The following KIF15 variants were observed in gnomAD, a reference collection of about 807,000 sequenced individuals.
The protein encoded by KIF15 is kinesin-like protein KIF15.
A neutral mutation model predicts 190.6 loss-of-function variants in KIF15; 140 were observed. The observed-to-expected ratio is 0.73, with a 90% CI of 0.64 to 0.84. The LOEUF (loss-of-function observed/expected upper bound fraction) is 0.84, where lower values mean the gene tolerates loss of function less well. Among genes scored for constraint, KIF15 ranks in the 40% least tolerant of loss-of-function variants. The probability of loss-of-function intolerance (pLI) is 0.00; values close to 1 mark genes in which losing one functional copy is unlikely to be tolerated. For missense variants in KIF15, 1,372 were observed against 1,584.4 expected, an observed-to-expected ratio of 0.87 and a Z score of 2.28; for synonymous variants, 528 against 551.3, an observed-to-expected ratio of 0.96 and a Z score of 0.59.
chr3:44,808,457 A>T (rs937030447), intron 16 of KIF15, among the ~76,000 whole-genome samples: 4 of 152,154 alleles, frequency 2.6e-5, no homozygotes, highest in African/African-American at 4.8e-5. Context: ...ATCACTTCCA[A>T]TCTGGATCTA....
intron 20 of KIF15, among the ~76,000 whole-genome samples, chr3:44,820,396 A>G (rs1190376370): frequency 6.7e-6 from 1 of 149,578 alleles, no homozygotes; most frequent in Non-Finnish European, 1.5e-5. Context: ...TGTTTCTCAC[A>G]GAGGGGGATT....
intron 7 of KIF15, among the ~76,000 whole-genome samples, chr3:44,789,350 G>A (rs1017591122): frequency 5.3e-5 from 8 of 151,586 alleles, no homozygotes; most frequent in Non-Finnish European, 8.8e-5. Context: ...ATTCCAAAGC[G>A]TGTGAGGATT....
At chr3:44,848,101 T>C in intron 31 of KIF15, 44 bp downstream of exon 31, 1 of 1,177,782 alleles carries the variant, frequency 8.5e-7, no homozygotes, top group South Asian at 1.3e-5. Context: ...GTCTGAGCAA[T>C]GCTTTTATAG....
intron 5 of KIF15, 123 bp downstream of exon 5, chr3:44,781,045 C>T: frequency 5.6e-6 from 4 of 708,144 alleles, no homozygotes; most frequent in Non-Finnish European, 9.4e-6. Flanking sequence ...TAGGGAAATT[C>T]CCTAGGCTTC....
downstream of KIF15, among the ~76,000 whole-genome samples, chr3:44,854,538 C>T (rs984558129): frequency 6.6e-6 from 1 of 152,022 alleles, no homozygotes; most frequent in African/African-American, 2.4e-5. Context: ...TATAAGGTAG[C>T]GAGCAGACAC....
chr3:44,843,316 A>C, intron 30 of KIF15, 82 bp downstream of exon 30: 1 of 821,968 alleles, frequency 1.2e-6, no homozygotes, highest in Middle Eastern at 2.3e-4. Flanking sequence ...TTGGTTTCAC[A>C]GGTTTCCCAA....
At chr3:44,779,432 C>G (rs1385799007) in intron 4 of KIF15, among the ~76,000 whole-genome samples, 1 of 152,162 alleles carries the variant, frequency 6.6e-6, no homozygotes, top group Non-Finnish European at 1.5e-5. Context: ...TAATACATGG[C>G]AGGGTGGGTA....
Position 44,814,775 on chromosome 3 carries a change from C to T in KIF15, c.2384-136C>T, listed in dbSNP as rs150938806. On this transcript the variant is annotated intron_variant, in intron 19 of 34. Coordinates refer to ENST00000326047, the MANE Select transcript of KIF15 (RefSeq NM_020242.3). ...AGAAATCTCAGTGCTGCTAGGTACC[C>T]GCCACTTAATTCTTTAACATTTTTC... 1,330 of 565,498 alleles carry T rather than the reference C, an allele frequency of 2.4e-3. 25 individuals carry two copies. The East Asian group carries it at 0.04, about 17-fold the overall frequency. 35.0% of individuals were successfully genotyped at this position (565,498 alleles called of 1,614,324 possible). A position where few individuals can be genotyped will look rare whatever the true frequency, so the allele number is the denominator to read the frequency against.
intron 1 of KIF15, among the ~76,000 whole-genome samples, chr3:44,772,662 C>T (rs572521801): frequency 1.3e-5 from 2 of 152,206 alleles, no homozygotes; most frequent in Non-Finnish European, 1.5e-5. Context: ...GACTTCCAAA[C>T]TTTACCAAAG....
Position 44,784,892 on chromosome 3 carries a change from C to T in KIF15, c.409C>T (p.Pro137Ser), listed in dbSNP as rs1247963130. Reference sequence around the variant, plus strand: ...TTCTCATAACCTGAGAGGAGTAATCCCACGAAGTTTTGAATATTTGTTTTC... The same window carrying T: ...TTCTCATAACCTGAGAGGAGTAATCTCACGAAGTTTTGAATATTTGTTTTC... ...NFSHNLRGVI[P>S]RSFEYLFSLI... Residue 137 changes from proline to serine, a missense_variant, in exon 6 of 35, where the codon CCA becomes TCA. Transcript: ENST00000326047. 2 of 1,583,606 alleles carry T rather than the reference C, an allele frequency of 1.3e-6. No homozygotes were observed. The highest frequency in any genetic ancestry group is 3.6e-5 in the Admixed American group (2 of 56,154).
chr3:44,825,816 C>T (rs558911083), intron 20 of KIF15, among the ~76,000 whole-genome samples: 1 of 152,294 alleles, frequency 6.6e-6, no homozygotes, highest in African/African-American at 2.4e-5. Flanking sequence ...AATGCTCCCA[C>T]TTGTCTTTTC....
intron 26 of KIF15, among the ~76,000 whole-genome samples, chr3:44,836,652 T>C (rs1409276196): frequency 1.3e-5 from 2 of 152,174 alleles, no homozygotes; most frequent in African/African-American, 4.8e-5. Flanking sequence ...CAAAACTTCT[T>C]TGGAATCAGA....
chr3:44,832,930 G>A (rs1698138087), intron 26 of KIF15, among the ~76,000 whole-genome samples: 2 of 150,964 alleles, frequency 1.3e-5, no homozygotes, highest in African/African-American at 2.4e-5. Flanking sequence ...CAGGAAAATG[G>A]TTGCAGGAGG....
chr3:44,780,942 T>G lies in KIF15; in HGVS notation c.361+20T>G. On this transcript the variant is annotated intron_variant, in intron 5 of 34. Transcript: ENST00000326047. The stretch of plus-strand genomic sequence containing the variant: ...TGATGGGTAAGTAAAGATTAACTTT[T>G]GTTGGCTTAATCTACTCTTTCTGTG... 1 of 1,574,948 alleles carries G rather than the reference T, an allele frequency of 6.3e-7. No individual in the cohort carries two copies. The highest frequency in any genetic ancestry group is 1.1e-5 in the South Asian group (1 of 88,776).
At chr3:44,765,256 G>C (rs1034068567) in intron 1 of KIF15, among the ~76,000 whole-genome samples, 2 of 152,348 alleles carry the variant, frequency 1.3e-5, no homozygotes, top group South Asian at 4.1e-4. Flanking sequence ...TTGCACATAA[G>C]TGCAGATCAG....
intron 16 of KIF15, 77 bp from the exon 17 acceptor site, chr3:44,810,769 C>G: frequency 1.7e-6 from 2 of 1,160,522 alleles, no homozygotes; most frequent in Non-Finnish European, 2.4e-6. Flanking sequence ...CAATTTTATC[C>G]TCTCTATTCA....
intron 24 of KIF15, among the ~76,000 whole-genome samples, chr3:44,829,481 G>T (rs1316978217): frequency 1.0e-5 from 1 of 97,110 alleles, no homozygotes; most frequent in Non-Finnish European, 2.0e-5. Context: ...TATAATATGT[G>T]TATATAATAT....
intron 7 of KIF15, 29 bp downstream of exon 7, chr3:44,786,603 C>T: frequency 6.4e-7 from 1 of 1,566,130 alleles, no homozygotes; most frequent in South Asian, 1.2e-5. Context: ...TTAATTGGTG[C>T]TTAGGCAACA....
intron 20 of KIF15, among the ~76,000 whole-genome samples, chr3:44,818,448 A>AT (rs1167050144): frequency 6.6e-6 from 1 of 152,202 alleles, no homozygotes; most frequent in African/African-American, 2.4e-5. Context: ...AGTTTTTAGC[A>AT]TGAAGTGCTG....
Sources: gnomAD v4.1 joint callset for allele counts (sites outside exome capture counted in the v4.1 genomes callset) on GRCh38, gnomAD v4.1.1 for gene constraint, MANE v1.5 for transcripts, NCBI Gene and HGNC (gene_info 2026-07-23, HGNC 2026-07-21) for gene names.